Variants in TRIM9 observed in about 807,000 individuals in gnomAD.
The protein encoded by TRIM9 is tripartite motif containing 9.
TRIM9 carries 26 observed loss-of-function variants against 78.3 expected under a neutral mutation model. The observed-to-expected ratio is 0.33, with a 90% CI of 0.24 to 0.46. The LOEUF (loss-of-function observed/expected upper bound fraction) is 0.46, where lower values mean the gene tolerates loss of function less well. Ranked by LOEUF, TRIM9 falls within the 20% of genes least tolerant of loss-of-function variation. The probability of loss-of-function intolerance (pLI) is 1.00; values close to 1 mark genes in which losing one functional copy is unlikely to be tolerated. For missense variants in TRIM9, 787 were observed against 1,036.4 expected (o/e 0.76, Z 3.30); for synonymous variants, 398 against 416.5 (o/e 0.96, Z 0.54).
Position 51,066,785 on chromosome 14 carries a change from C to A in TRIM9, c.822+27333G>T, listed in dbSNP as rs377311671. ...ATAGAGATAGCTCCACTGGTTGCAGCTCGGCGTTTGCCTTATTTGGACACA... is the reference window on the plus strand; with the variant it reads ...ATAGAGATAGCTCCACTGGTTGCAGATCGGCGTTTGCCTTATTTGGACACA... On this transcript the variant is annotated intron_variant, in intron 1 of 12. Coordinates refer to ENST00000684578, the MANE Select transcript of TRIM9 (RefSeq NM_001387360.1). 2.6e-5 allele frequency among the ~76,000 whole-genome samples: 4 copies of A among 152,336 alleles called. No individual in the cohort carries two copies. The East Asian group carries it at 7.7e-4, about 29-fold the overall frequency.
intron 8 of TRIM9, among the ~76,000 whole-genome samples, chr14:50,985,744 G>A (rs2052619903): frequency 6.6e-6 from 1 of 152,140 alleles, no homozygotes. Context: ...GTAATACATG[G>A]ACCACAGCTC....
intron 7 of TRIM9, among the ~76,000 whole-genome samples, chr14:50,988,745 C>T (rs964493613): frequency 6.6e-6 from 1 of 152,172 alleles, no homozygotes; most frequent in African/African-American, 2.4e-5. Context: ...CAACTGATCC[C>T]AGCTTAACTA....
intron 1 of TRIM9, among the ~76,000 whole-genome samples, chr14:51,063,302 G>C (rs753378805): frequency 2.0e-5 from 3 of 152,114 alleles, no homozygotes; most frequent in Non-Finnish European, 4.4e-5. Context: ...ATCTGACAGA[G>C]AGAGGAAAAA....
chr14:51,079,831 A>G (rs2063140356), intron 1 of TRIM9, among the ~76,000 whole-genome samples: 2 of 152,212 alleles, frequency 1.3e-5, no homozygotes, highest in Non-Finnish European at 2.9e-5. Context: ...AACAAGCCAT[A>G]GAGATGACCA....
chr14:50,980,980 AT>A (rs34560711), intron 11 of TRIM9, among the ~76,000 whole-genome samples: 14,925 of 143,934 alleles, frequency 0.1, 763 homozygotes, highest in Middle Eastern at 0.18. Flanking sequence ...ACACTACTGT[AT>A]TTTTTTTTTT....
rs150313484 is a variant in TRIM9 at position 51,074,106 on chromosome 14, G to C, written c.822+20012C>G. Among the ~76,000 whole-genome samples the C allele has an allele frequency of 8.2e-3, 1,254 of 152,088 alleles. 13 individuals carry two copies. The highest frequency in any genetic ancestry group is 0.028 in the African/African-American group (1,176 of 41,502). On this transcript the variant is annotated intron_variant, in intron 1 of 12. Transcript: ENST00000684578. ...GAATAATAGTAATGATCATAACAAC[G>C]AAACCAAACATCTGCATTTAAAACT... is the stretch of plus-strand genomic sequence containing the variant.
rs748562442 is a variant in TRIM9 at position 50,980,768 on chromosome 14, A to G, written c.2162+1032T>C. Among the ~76,000 whole-genome samples the G allele has an allele frequency of 2.6e-5, 4 of 152,360 alleles. No homozygotes were observed. The East Asian group carries it at 7.7e-4, about 29-fold the overall frequency. On this transcript the variant is annotated intron_variant, in intron 11 of 12. Transcript: ENST00000684578. ...TCTACATCCAGTAGGATTTGCTTTC[A>G]TGGTGAAATGGTGTGTGTGTTCACT... is the stretch of plus-strand genomic sequence containing the variant.
In TRIM9 at chr14:51,041,640, T is replaced by C. The variant is rs568996734; in HGVS notation, c.823-16280A>G. 2.5e-4 allele frequency among the ~76,000 whole-genome samples: 38 copies of C among 152,370 alleles called. No homozygotes were observed. The South Asian group carries it at 5.4e-3, about 22-fold the overall frequency. ...GGCAGCCAGTATGGTATGAATTTAA[T>C]TTCTCATTATCTATTTCTCTGTTAA... On this transcript the variant is annotated intron_variant, in intron 1 of 12. Transcript: ENST00000684578.
intron 10 of TRIM9, 65 bp downstream of exon 10, chr14:50,982,877 C>A: frequency 7.0e-7 from 1 of 1,423,236 alleles, no homozygotes; most frequent in East Asian, 2.5e-5. Flanking sequence ...TTTATTAAAC[C>A]TGTGAGACAC....
At chr14:51,012,309 A>C (rs951067183) in intron 3 of TRIM9, among the ~76,000 whole-genome samples, 2 of 152,222 alleles carry the variant, frequency 1.3e-5, no homozygotes, top group Non-Finnish European at 2.9e-5. Flanking sequence ...AGAACCTCTT[A>C]CATAAGTGCA....
In TRIM9 at chr14:50,977,321, G is replaced by C. The variant is rs755090870; in HGVS notation, c.2358C>G (p.Asp786Glu). ...VTLHTGLPVP[D>E]FYSSRASIA ...CTATTGATGCTCTGCTGGAGTAGAAGTCGGGGACTGGGAGCCCGGTGTGCA... is the reference window on the plus strand; with the variant it reads ...CTATTGATGCTCTGCTGGAGTAGAACTCGGGGACTGGGAGCCCGGTGTGCA... The change falls in exon 13 of 13, where the codon GAC becomes GAG. Residue 786 changes from aspartate (D) to glutamate (E), a missense_variant. Physicochemically the swap from Asp to Glu is conservative, Grantham distance 45 (BLOSUM62 2). Transcript: ENST00000684578. The C allele has an allele frequency of 6.5e-7, 1 of 1,549,510 alleles. No individual in the cohort carries two copies. Among genetic ancestry groups the C allele is most frequent in the East Asian group, 2.5e-5 (1 of 40,086 alleles).
At chr14:51,010,521 C>T in intron 3 of TRIM9, 27 bp from the exon 4 acceptor site, 1 of 1,563,752 alleles carries the variant, frequency 6.4e-7, no homozygotes, top group South Asian at 1.1e-5. Context: ...AACAACAGAA[C>T]AGTCCAAGAT....
At chr14:50,977,589 C>T (rs906618628) in intron 12 of TRIM9, among the ~76,000 whole-genome samples, 3 of 152,162 alleles carry the variant, frequency 2.0e-5, no homozygotes, top group African/African-American at 7.2e-5. Flanking sequence ...TAGTCACCTG[C>T]CTCTTTTAAA....
chr14:51,003,295 C>T (rs1193289707), intron 5 of TRIM9, among the ~76,000 whole-genome samples: 1 of 151,936 alleles, frequency 6.6e-6, no homozygotes, highest in Non-Finnish European at 1.5e-5. Flanking sequence ...ATGAATGATT[C>T]CCCCCGGGGG....
At chr14:51,081,014 A>T (rs983309994) in intron 1 of TRIM9, among the ~76,000 whole-genome samples, 1 of 152,230 alleles carries the variant, frequency 6.6e-6, no homozygotes, top group African/African-American at 2.4e-5. Flanking sequence ...GCCAGTCTTG[A>T]TAAGATTTCC....
intron 7 of TRIM9, chr14:50,996,489 G>A (rs190530928): frequency 1.0e-6 from 1 of 985,422 alleles, no homozygotes; most frequent in East Asian, 1.1e-4. Flanking sequence ...GATGTATTAT[G>A]AATAGAAATA....
At chr14:51,069,807 T>A (rs2062057230) in intron 1 of TRIM9, among the ~76,000 whole-genome samples, 1 of 152,208 alleles carries the variant, frequency 6.6e-6, no homozygotes. Flanking sequence ...CTGAGAGCAA[T>A]CTTCAGCTGC....
intron 1 of TRIM9, among the ~76,000 whole-genome samples, chr14:51,039,663 G>C (rs2059425962): frequency 6.6e-6 from 1 of 152,136 alleles, no homozygotes; most frequent in Non-Finnish European, 1.5e-5. Context: ...CTCTTGATCT[G>C]AGTGGTGGTT....
In TRIM9 at chr14:51,048,851, A is replaced by T. The variant is rs530249868; in HGVS notation, c.823-23491T>A. ...TACAAAAAATTAGCTGGGTGTGGTG[A>T]TGGACGTCTGTAGTCCCAGCTACTC... is the stretch of plus-strand genomic sequence containing the variant. On this transcript the variant is annotated intron_variant, in intron 1 of 12. Transcript: ENST00000684578. 6.6e-5 allele frequency among the ~76,000 whole-genome samples: 10 copies of T among 151,968 alleles called. 1 individual carries two copies. In the South Asian group the frequency reaches 2.1e-3, roughly 32 times the overall value.
Sources: allele counts gnomAD v4.1 joint callset (sites outside exome capture counted in the v4.1 genomes callset), GRCh38; gene constraint gnomAD v4.1.1; transcripts MANE v1.5; gene names NCBI Gene and HGNC (gene_info 2026-07-23, HGNC 2026-07-21).